The following DHRS2 variants were observed in gnomAD, a reference collection of about 807,000 sequenced individuals.
DHRS2 encodes the protein dehydrogenase/reductase 2, also known as dehydrogenase/reductase SDR family member 2, mitochondrial.
DHRS2 carries 29 observed loss-of-function variants against 26.3 expected under a neutral mutation model. The ratio of observed to expected loss-of-function variants is 1.10; its 90% CI spans 0.82 to 1.50. The LOEUF is 1.50. Ranked by LOEUF, DHRS2 falls within the 40% of genes most tolerant of loss-of-function variation. The pLI, the probability that DHRS2 is intolerant of heterozygous loss-of-function variation, is 0.00. For missense variants in DHRS2, 439 were observed against 367.1 expected, an observed-to-expected ratio of 1.20 and a Z score of -1.60; for synonymous variants, 164 against 151.3, an observed-to-expected ratio of 1.08 and a Z score of -0.62.
intron 4 of DHRS2, chr14:23,640,233 C>T: frequency 1.0e-5 from 10 of 1,002,288 alleles, no homozygotes; most frequent in Non-Finnish European, 1.1e-5. Context: ...CAGAGTCTCT[C>T]TGTAAGAGTC....
chr14:23,631,140 G>T (rs1890106940), intron 1 of DHRS2, among the ~76,000 whole-genome samples: 1 of 152,148 alleles, frequency 6.6e-6, no homozygotes, highest in Non-Finnish European at 1.5e-5. Flanking sequence ...TTCAAAAAAT[G>T]TCAAAGAAAT....
chr14:23,637,302 CTTCTTT>C (rs1890360461), intron 1 of DHRS2, among the ~76,000 whole-genome samples: 2 of 152,100 alleles, frequency 1.3e-5, no homozygotes, highest in African/African-American at 4.8e-5. Context: ...ACTCTGTTAC[CTTCTTT>C]AGGCACCTGG....
At chr14:23,640,302 T>C (rs1031708749) in intron 4 of DHRS2, 7 of 985,916 alleles carry the variant, frequency 7.1e-6, no homozygotes, top group African/African-American at 3.5e-5. Flanking sequence ...GTGTTTTTCT[T>C]TGGTGACCTG....
chr14:23,639,795 C>G lies in DHRS2; in HGVS notation c.320C>G (p.Ala107Gly), dbSNP rs369007518. 8.1e-6 allele frequency: 13 copies of G among 1,605,794 alleles called. No homozygotes were observed. The highest frequency in any genetic ancestry group is 1.0e-5 in the Non-Finnish European group (12 of 1,175,832). The change falls in exon 4 of 9, where the codon GCC becomes GGC. Residue 107 changes from alanine to glycine, a missense_variant and splice_region_variant. Transcript: ENST00000250383. Reference sequence around the variant, plus strand: ...ACTCATCCAATCTCCTCTCCGCAGGCCCTGGAGCACTGTGGGGGCGTCGAC... The same window carrying G: ...ACTCATCCAATCTCCTCTCCGCAGGGCCTGGAGCACTGTGGGGGCGTCGAC... Reference protein sequence around the residue: ...AEDREQLVAKALEHCGGVDFL... With the variant: ...AEDREQLVAKGLEHCGGVDFL...
rs112925308 is a variant in DHRS2, at chr14:23,643,615, C to T, written c.488+396C>T. The T allele has an allele frequency of 1.5e-4, 41 of 269,374 alleles. 1 individual carries two copies. Among genetic ancestry groups the T allele is most frequent in the South Asian group, 1.6e-4 (3 of 19,022 alleles). The allele number at this position is 269,374 out of a possible 1,614,324, so 16.7% of individuals were successfully genotyped here. A position where few individuals can be genotyped will look rare whatever the true frequency, so the allele number is the denominator to read the frequency against. On this transcript the variant is annotated intron_variant, in intron 5 of 8. Coordinates refer to ENST00000250383, the MANE Select transcript of DHRS2 (RefSeq NM_005794.4). The stretch of plus-strand genomic sequence containing the variant: ...TGTCCCAGACCTCTCCTCATGCCTG[C>T]GCTTGGTCTCCAGGGACCCTGCCTG...
At chr14:23,634,201 G>A (rs1890203100), upstream of DHRS2, among the ~76,000 whole-genome samples, 1 of 151,222 alleles carries the variant, frequency 6.6e-6, no homozygotes, top group Non-Finnish European at 1.5e-5. Flanking sequence ...CCAAGTAGCT[G>A]GGACTATAGG....
rs139039851 is a variant in DHRS2 at position 23,639,241 on chromosome 14, G to A, written c.203G>A (p.Arg68Gln). The change falls in exon 3 of 9, where the codon CGG (arginine) becomes CAG (glutamine). Residue 68 changes from arginine to glutamine, a missense_variant. Physicochemically the swap from Arg to Gln is conservative, Grantham distance 43. Coordinates refer to ENST00000250383, the MANE Select transcript of DHRS2 (RefSeq NM_005794.4). ...GGGGCCCACGTGGTCATCAGCAGCC[G>A]GAAGCAGCAGAACGTGGACCGGGCC... ...RDGAHVVISS[R>Q]KQQNVDRAMA... The A allele has an allele frequency of 3.1e-4, 499 of 1,613,820 alleles. 6 individuals carry two copies. The South Asian group carries it at 4.7e-3, about 15-fold the overall frequency.
chr14:23,638,790 G>A lies in DHRS2; in HGVS notation c.-38-37G>A, dbSNP rs187810266. ...GGTAGATTACCTTCATGCTCACTGAGGCATCAGTGATAAGTGAAATTGATT... is the reference window on the plus strand; with the variant it reads ...GGTAGATTACCTTCATGCTCACTGAAGCATCAGTGATAAGTGAAATTGATT... On this transcript the variant is annotated intron_variant, in intron 1 of 8. Transcript: ENST00000250383. 8.9e-4 allele frequency: 1,378 copies of A among 1,541,348 alleles called. 13 individuals are homozygous for A. The highest frequency in any genetic ancestry group is 3.0e-4 in the Non-Finnish European group (337 of 1,130,974).
chr14:23,632,825 G>C (rs933340167), upstream of DHRS2, among the ~76,000 whole-genome samples: 1 of 152,170 alleles, frequency 6.6e-6, no homozygotes, highest in African/African-American at 2.4e-5. Context: ...CACATCTGTC[G>C]GCCCCTTGGC....
Position 23,639,193 on chromosome 14 carries a change from T to A in DHRS2, c.155T>A (p.Ile52Asn). Residue 52 changes from isoleucine (I) to asparagine (N), a missense_variant, in exon 3 of 9, where the codon ATC becomes AAC. Transcript: ENST00000250383. ...TGSTSGIGFA[I>N]ARRLARDGAH... Reference sequence around the variant, plus strand: ...TCTGCATTCAGGATCGGCTTTGCCATCGCCCGACGTCTGGCCCGGGACGGG... The same window carrying A: ...TCTGCATTCAGGATCGGCTTTGCCAACGCCCGACGTCTGGCCCGGGACGGG... 6.2e-7 allele frequency: 1 copy of A among 1,613,530 alleles called. No individual in the cohort carries two copies.
At chr14:23,639,030 C>T (rs1214408729) in intron 2 of DHRS2, 26 bp downstream of exon 2, 2 of 1,609,692 alleles carry the variant, frequency 1.2e-6, no homozygotes, top group Non-Finnish European at 1.7e-6. Flanking sequence ...CCCATGGGTC[C>T]TGGCCCCTCA....
At position 23,638,978 on chromosome 14, in the gene DHRS2, A is replaced by G. The variant is rs773729400; in HGVS notation, c.114A>G (p.Val38=). The part of the protein sequence containing the change: ...IDRKGVLANR[V]AVVTGSTSGI... ...GGAAGGGCGTCCTGGCTAACCGGGT[A>G]GCCGTGGTCACGGGGTCCACCAGTG... The change falls in exon 2 of 9, where the codon GTA becomes GTG. Residue 38 remains valine, a synonymous_variant. Transcript: ENST00000250383. 13 of 1,613,722 alleles carry G rather than the reference A, an allele frequency of 8.1e-6. No individual in the cohort carries two copies. The highest frequency in any genetic ancestry group is 1.1e-5 in the South Asian group (1 of 91,046).
rs762064758 is a variant in DHRS2, at chr14:23,636,586, C to G, written c.-225C>G. ...CATCTTTAAGAACCGTAATACTCAC[C>G]GCAAGGGTCTGCAACTTCATTCTTG... is the stretch of plus-strand genomic sequence containing the variant. On this transcript the variant is annotated 5_prime_UTR_variant, in exon 1 of 9. Coordinates refer to ENST00000250383, the MANE Select transcript of DHRS2 (RefSeq NM_005794.4). 6.6e-6 allele frequency: 1 copy of G among 152,030 alleles called. No homozygotes were observed. Among genetic ancestry groups the G allele is most frequent in the Non-Finnish European group, 1.5e-5 (1 of 68,042 alleles). 9.4% of individuals were successfully genotyped at this position (152,030 alleles called of 1,614,324 possible).
At chr14:23,635,781 G>C (rs983691743), upstream of DHRS2, among the ~76,000 whole-genome samples, 1 of 152,264 alleles carries the variant, frequency 6.6e-6, no homozygotes, top group South Asian at 2.1e-4. Context: ...AGCTCCCTCT[G>C]CTCGCCAGGA....
At chr14:23,631,324 G>A (rs1890111912) in intron 1 of DHRS2, among the ~76,000 whole-genome samples, 1 of 152,058 alleles carries the variant, frequency 6.6e-6, no homozygotes, top group African/African-American at 2.4e-5. Flanking sequence ...CAAAAGGGAG[G>A]AGGGTATAAT....
chr14:23,645,017 G>T, intron 8 of DHRS2, 125 bp from the exon 9 acceptor site: 1 of 1,562,510 alleles, frequency 6.4e-7, no homozygotes, highest in South Asian at 1.1e-5. Context: ...GCCCTGGAGG[G>T]TGCAAGTAGC....
Position 23,645,284 on chromosome 14 carries a change from C to T in DHRS2, c.*31C>T, listed in dbSNP as rs745942851. 5 of 1,613,668 alleles carry T rather than the reference C, an allele frequency of 3.1e-6. No homozygotes were observed. The South Asian group carries it at 5.5e-5, about 18-fold the overall frequency. The stretch of plus-strand genomic sequence containing the variant: ...GTGGGGGCGGCTGCGTAGCTGTGGT[C>T]CCAGGCCCAGGAGCCTGAGGGGGTG... On this transcript the variant is annotated 3_prime_UTR_variant, in exon 9 of 9. Transcript: ENST00000250383.
intron 1 of DHRS2, among the ~76,000 whole-genome samples, chr14:23,637,648 G>T (rs1890390688): frequency 6.6e-6 from 1 of 152,148 alleles, no homozygotes; most frequent in Admixed American, 6.5e-5. Context: ...GTCGGTAAGG[G>T]CCACTAAATC....
intron 7 of DHRS2, 23 bp downstream of exon 7, chr14:23,644,566 A>G (rs751836959): frequency 7.4e-6 from 12 of 1,614,000 alleles, no homozygotes; most frequent in East Asian, 2.2e-5. Context: ...TGTGTCTTCC[A>G]TCTCCCAGTC....
Sources: allele counts gnomAD v4.1 joint callset (sites outside exome capture counted in the v4.1 genomes callset), GRCh38; gene constraint gnomAD v4.1.1; transcripts MANE v1.5; gene names NCBI Gene and HGNC (gene_info 2026-07-23, HGNC 2026-07-21).